The following SGCZ variants were observed in gnomAD, a reference collection of about 807,000 sequenced individuals.
SGCZ encodes zeta-sarcoglycan.
In SGCZ, 40 loss-of-function variants were observed where a neutral mutation model predicts 41.3. That is an observed-to-expected ratio of 0.97 (90% CI 0.75 to 1.26). The LOEUF (loss-of-function observed/expected upper bound fraction) is 1.26, where lower values mean the gene tolerates loss of function less well. Ranked by LOEUF, SGCZ falls within the 50% of genes most tolerant of loss-of-function variation. The pLI, the probability that SGCZ is intolerant of heterozygous loss-of-function variation, is 0.00. For synonymous variants in SGCZ, 206 were observed against 137.5 expected, an observed-to-expected ratio of 1.50 and a Z score of -3.49; for missense variants, 552 against 369.8, an observed-to-expected ratio of 1.49 and a Z score of -4.04.
At chr8:14,610,266 T>C (rs1321432532) in intron 1 of SGCZ, among the ~76,000 whole-genome samples, 1 of 152,018 alleles carries the variant, frequency 6.6e-6, no homozygotes, top group East Asian at 1.9e-4. Context: ...GGCATTTGAG[T>C]CTCCCCCTTT....
At chr8:15,146,894 C>A (rs1450320054) in intron 1 of SGCZ, among the ~76,000 whole-genome samples, 2 of 152,036 alleles carry the variant, frequency 1.3e-5, no homozygotes, top group Non-Finnish European at 2.9e-5. Context: ...TACTGTATAG[C>A]AACTTAAAAG....
At chr8:14,878,807 G>C (rs1321645363) in intron 1 of SGCZ, among the ~76,000 whole-genome samples, 2 of 152,144 alleles carry the variant, frequency 1.3e-5, no homozygotes, top group Non-Finnish European at 1.5e-5. Flanking sequence ...GAGAAGAGGA[G>C]TGTGATTTCT....
intron 2 of SGCZ, among the ~76,000 whole-genome samples, chr8:14,527,901 A>C (rs1803003932): frequency 6.6e-6 from 1 of 152,094 alleles, no homozygotes; most frequent in African/African-American, 2.4e-5. Flanking sequence ...AATAGTCCAA[A>C]AAAAGTGGGA....
chr8:14,757,226 C>A (rs1799706408), intron 1 of SGCZ, among the ~76,000 whole-genome samples: 2 of 151,926 alleles, frequency 1.3e-5, no homozygotes, highest in African/African-American at 4.8e-5. Flanking sequence ...TGTTTGTATT[C>A]TTAGTAGAGA....
chr8:14,512,839 T>G (rs932176358), intron 2 of SGCZ, among the ~76,000 whole-genome samples: 2 of 152,074 alleles, frequency 1.3e-5, no homozygotes, highest in Non-Finnish European at 2.9e-5. Context: ...TCTACCCTGG[T>G]GCTTCTGAAG....
chr8:14,289,032 T>C (rs1209741015), intron 3 of SGCZ, among the ~76,000 whole-genome samples: 2 of 152,168 alleles, frequency 1.3e-5, no homozygotes, highest in Non-Finnish European at 2.9e-5. Flanking sequence ...TGGCTAACAA[T>C]ATTGAACATC....
intron 2 of SGCZ, among the ~76,000 whole-genome samples, chr8:14,411,024 A>G (rs1799345754): frequency 6.6e-6 from 1 of 152,162 alleles, no homozygotes; most frequent in Non-Finnish European, 1.5e-5. Context: ...CTTTGAAACA[A>G]TTACAATTCC....
chr8:14,116,993 T>C (rs565108894), intron 5 of SGCZ, among the ~76,000 whole-genome samples: 1 of 152,100 alleles, frequency 6.6e-6, no homozygotes, highest in Admixed American at 6.6e-5. Context: ...ATCCATAGTT[T>C]ACAGGGAAGT....
In SGCZ at chr8:14,104,726, ATATTAATGATGTGTATT is replaced by A. The variant is rs924989539; in HGVS notation, c.621-2244_621-2228del. 1.1e-3 allele frequency among the ~76,000 whole-genome samples: 160 copies of A among 152,194 alleles called. 3 individuals are homozygous for A. The highest frequency in any genetic ancestry group is 3.6e-3 in the African/African-American group (151 of 41,548). On this transcript the variant is annotated intron_variant, in intron 6 of 7. Coordinates refer to ENST00000382080, the MANE Select transcript of SGCZ (RefSeq NM_139167.4). ...CTTAATAGAGTTTTTTTCCTTGAAT[ATATTAATGATGTGTATT>A]TATTAATGATGTGTATTAGAGCTAT...
intron 1 of SGCZ, among the ~76,000 whole-genome samples, chr8:14,963,424 C>T (rs980229288): frequency 6.6e-6 from 1 of 151,640 alleles, no homozygotes; most frequent in Non-Finnish European, 1.5e-5. Flanking sequence ...CTGCATCCTG[C>T]GCCTCCCGGG....
At chr8:14,780,562 G>C (rs551627529) in intron 1 of SGCZ, among the ~76,000 whole-genome samples, 1 of 151,974 alleles carries the variant, frequency 6.6e-6, no homozygotes, top group East Asian at 1.9e-4. Flanking sequence ...CGATGGGAAG[G>C]AATGAAAAAA....
At chr8:14,340,233 G>A (rs1037637892) in intron 2 of SGCZ, among the ~76,000 whole-genome samples, 1 of 151,908 alleles carries the variant, frequency 6.6e-6, no homozygotes, top group Non-Finnish European at 1.5e-5. Context: ...TTCTTCCCAT[G>A]TTGCTAACAC....
chr8:15,212,471 TCTC>T (rs1156872433), intron 1 of SGCZ, among the ~76,000 whole-genome samples: 1 of 152,262 alleles, frequency 6.6e-6, no homozygotes, highest in African/African-American at 2.4e-5. Flanking sequence ...TTGTTTGGCT[TCTC>T]CTTTTAAAAT....
intron 1 of SGCZ, among the ~76,000 whole-genome samples, chr8:14,745,279 T>C (rs1799310351): frequency 6.6e-6 from 1 of 152,102 alleles, no homozygotes; most frequent in Non-Finnish European, 1.5e-5. Flanking sequence ...CACTCTGAGA[T>C]ATGTCCAAGG....
intron 2 of SGCZ, among the ~76,000 whole-genome samples, chr8:14,384,470 A>G (rs1361360027): frequency 6.6e-6 from 1 of 152,196 alleles, no homozygotes; most frequent in African/African-American, 2.4e-5. Flanking sequence ...TTTAGAATAG[A>G]TTGAAAGATA....
At chr8:14,187,215 A>C (rs1804935350) in intron 4 of SGCZ, among the ~76,000 whole-genome samples, 1 of 152,328 alleles carries the variant, frequency 6.6e-6, no homozygotes, top group South Asian at 2.1e-4. Flanking sequence ...AAGTTCTAAG[A>C]GTTGGGGAGT....
intron 7 of SGCZ, among the ~76,000 whole-genome samples, chr8:14,092,371 T>A (rs953736465): frequency 6.6e-6 from 1 of 152,110 alleles, no homozygotes; most frequent in Admixed American, 6.6e-5. Flanking sequence ...AATAGTAGCT[T>A]GATGGAGATA....
intron 1 of SGCZ, among the ~76,000 whole-genome samples, chr8:14,608,391 A>T (rs1006692633): frequency 6.6e-6 from 1 of 152,046 alleles, no homozygotes; most frequent in South Asian, 2.1e-4. Flanking sequence ...TGGTACCAGC[A>T]TATGCTCAGC....
intron 2 of SGCZ, among the ~76,000 whole-genome samples, chr8:14,492,393 C>A (rs2117032052): frequency 6.6e-6 from 1 of 152,138 alleles, no homozygotes; most frequent in South Asian, 2.1e-4. Context: ...CTGCACAGTG[C>A]TTATTATAAC....
Sources: gnomAD v4.1 joint callset for allele counts (sites outside exome capture counted in the v4.1 genomes callset) on GRCh38, gnomAD v4.1.1 for gene constraint, MANE v1.5 for transcripts, NCBI Gene and HGNC (gene_info 2026-07-23, HGNC 2026-07-21) for gene names.